Variants in TMEM132C observed in about 807,000 individuals in gnomAD.
TMEM132C encodes the protein transmembrane protein 132C.
Under a neutral mutation model 61.4 loss-of-function variants are expected in TMEM132C, and 29 were observed. The ratio of observed to expected loss-of-function variants is 0.47; its 90% CI spans 0.35 to 0.64. TMEM132C has a LOEUF of 0.64. TMEM132C is among the 30% of genes least tolerant of loss of function. The pLI is 0.00. For missense variants in TMEM132C, 1,408 were observed against 1,476.9 expected (o/e 0.95, Z 0.76); for synonymous variants, 656 against 633.1 (o/e 1.04, Z -0.54).
At position 128,285,254 on chromosome 12, in the gene TMEM132C, TG is replaced by T. The variant is rs143743761; in HGVS notation, c.85+17769del. ...AGATTTTGAATGTTTTCAACAAAAA[TG>T]GTATTTGAGGTGATTGATATGCAAT... On this transcript the variant is annotated intron_variant, in intron 1 of 8. Coordinates refer to ENST00000435159, the MANE Select transcript of TMEM132C (RefSeq NM_001136103.3). 4.3e-3 allele frequency among the ~76,000 whole-genome samples: 655 copies of T among 152,302 alleles called. 4 individuals are homozygous for T. The highest frequency in any genetic ancestry group is 0.015 in the African/African-American group (616 of 41,564).
At chr12:128,564,775 A>C (rs763526091) in intron 3 of TMEM132C, among the ~76,000 whole-genome samples, 5 of 152,168 alleles carry the variant, frequency 3.3e-5, no homozygotes, top group Non-Finnish European at 7.4e-5. Flanking sequence ...TAATTTGACA[A>C]GTGCCACATG....
intron 3 of TMEM132C, among the ~76,000 whole-genome samples, chr12:128,561,992 G>T (rs565584772): frequency 1.3e-5 from 2 of 152,074 alleles, no homozygotes; most frequent in Non-Finnish European, 2.9e-5. Context: ...TGGGGTGTTG[G>T]GGGGAGTGAT....
rs568737613 is a variant in TMEM132C, at chr12:128,697,507, C to G, written c.2121+92C>G. On this transcript the variant is annotated intron_variant, in intron 8 of 8. Transcript: ENST00000435159. ...GGCAGGGTGGAGTGAGAAATGGGGGCAGGTTAGCAGAACCATGTTCCACAA... is the reference window on the plus strand; with the variant it reads ...GGCAGGGTGGAGTGAGAAATGGGGGGAGGTTAGCAGAACCATGTTCCACAA... 2.3e-5 allele frequency: 30 copies of G among 1,289,296 alleles called. No individual in the cohort carries two copies. The African/African-American group carries it at 3.9e-4, about 17-fold the overall frequency. The allele number at this position is 1,289,296 out of a possible 1,614,324, so 79.9% of individuals were successfully genotyped here.
intron 2 of TMEM132C, among the ~76,000 whole-genome samples, chr12:128,526,146 G>A (rs1426331166): frequency 6.6e-6 from 1 of 152,124 alleles, no homozygotes; most frequent in East Asian, 1.9e-4. Context: ...CATGTGCCAG[G>A]AGCTCTTCTA....
chr12:128,294,285 T>C (rs1268789357), intron 1 of TMEM132C: 3 of 152,682 alleles, frequency 2.0e-5, no homozygotes, highest in Admixed American at 6.5e-5. Flanking sequence ...CGTCTCACTT[T>C]TGGGGCTTTT....
intron 1 of TMEM132C, among the ~76,000 whole-genome samples, chr12:128,392,052 GTCTCTCTCTCTTTCTCTCTCTC>G (rs1302422467): frequency 9.6e-5 from 12 of 125,638 alleles, no homozygotes; most frequent in Admixed American, 6.0e-4. Flanking sequence ...CTCTGTCTCT[GTCTCTCTCTCTTTCTCTCTCTC>G]TCTCTCTCTC....
intron 1 of TMEM132C, among the ~76,000 whole-genome samples, chr12:128,297,695 T>C (rs2135915195): frequency 6.6e-6 from 1 of 152,282 alleles, no homozygotes; most frequent in South Asian, 2.1e-4. Flanking sequence ...GTTCTTTTCC[T>C]TTTTCCAGGA....
intron 2 of TMEM132C, among the ~76,000 whole-genome samples, chr12:128,532,063 T>C (rs976620373): frequency 2.0e-5 from 3 of 152,258 alleles, no homozygotes; most frequent in Non-Finnish European, 4.4e-5. Flanking sequence ...GATACAAAGC[T>C]GCATCTATGA....
chr12:128,371,325 C>T (rs1219472793), intron 1 of TMEM132C, among the ~76,000 whole-genome samples: 2 of 152,174 alleles, frequency 1.3e-5, no homozygotes, highest in Non-Finnish European at 2.9e-5. Context: ...TGACTTCCAT[C>T]TTGGCTCCAG....
chr12:128,447,773 G>A (rs1345921737), intron 2 of TMEM132C, among the ~76,000 whole-genome samples: 1 of 79,814 alleles, frequency 1.3e-5, no homozygotes, highest in Non-Finnish European at 2.2e-5. Context: ...AGGCCGGACT[G>A]CGGACTGCAG....
chr12:128,452,123 TCAC>T (rs1466756294), intron 2 of TMEM132C, among the ~76,000 whole-genome samples: 1 of 152,116 alleles, frequency 6.6e-6, no homozygotes, highest in Non-Finnish European at 1.5e-5. Flanking sequence ...AGGGTCTCTC[TCAC>T]TCTGTCACCC....
At chr12:128,621,700 T>C (rs1271285100) in intron 4 of TMEM132C, among the ~76,000 whole-genome samples, 1 of 152,222 alleles carries the variant, frequency 6.6e-6, no homozygotes, top group Non-Finnish European at 1.5e-5. Flanking sequence ...ATGTGTGTCT[T>C]GCGGGCGTGT....
chr12:128,676,853 G>C (rs1003004863), intron 5 of TMEM132C, among the ~76,000 whole-genome samples: 2 of 152,240 alleles, frequency 1.3e-5, no homozygotes, highest in Non-Finnish European at 2.9e-5. Context: ...AGCCAGGCCA[G>C]TGTGCGGTGT....
At chr12:128,509,393 C>T (rs1872498704) in intron 2 of TMEM132C, among the ~76,000 whole-genome samples, 1 of 152,076 alleles carries the variant, frequency 6.6e-6, no homozygotes, top group African/African-American at 2.4e-5. Flanking sequence ...TAGTGCTCAC[C>T]AAATCTACAT....
chr12:128,506,731 G>A (rs1005143867), intron 2 of TMEM132C, among the ~76,000 whole-genome samples: 1 of 152,130 alleles, frequency 6.6e-6, no homozygotes, highest in Non-Finnish European at 1.5e-5. Context: ...CCATGCTCCT[G>A]TCCTCACCAC....
At chr12:128,429,262 A>G (rs746799465) in intron 2 of TMEM132C, among the ~76,000 whole-genome samples, 6 of 152,332 alleles carry the variant, frequency 3.9e-5, no homozygotes, top group Non-Finnish European at 8.8e-5. Flanking sequence ...AGTGCTAGAT[A>G]TCCTACAATG....
intron 5 of TMEM132C, among the ~76,000 whole-genome samples, chr12:128,686,050 TGCATGTGTGTGTGTGCATGCGTGTGTGC>T (rs1169742497): frequency 6.7e-6 from 1 of 148,508 alleles, no homozygotes; most frequent in Admixed American, 6.7e-5. Flanking sequence ...CGCGCGTGTG[TGCATGTGTGTGTGTGCATGCGTGTGTGC>T]GCATGTGTGT....
intron 2 of TMEM132C, among the ~76,000 whole-genome samples, chr12:128,526,994 G>A (rs531791746): frequency 2.0e-5 from 3 of 152,270 alleles, no homozygotes; most frequent in African/African-American, 7.2e-5. Flanking sequence ...CAGGCAGGTG[G>A]GCCTCAAAGT....
chr12:128,613,144 G>C lies in TMEM132C; in HGVS notation c.1122-3008G>C, dbSNP rs142674870. On this transcript the variant is annotated intron_variant, in intron 3 of 8. Transcript: ENST00000435159. ...AAAGGGGGTCTTTGGACATTTGGATGGTTGCCACATCCAATACTAAGGGAA... is the reference window on the plus strand; with the variant it reads ...AAAGGGGGTCTTTGGACATTTGGATCGTTGCCACATCCAATACTAAGGGAA... Among the ~76,000 whole-genome samples the C allele has an allele frequency of 6.3e-3, 960 of 152,290 alleles. 14 individuals are homozygous for C. Among genetic ancestry groups the C allele is most frequent in the African/African-American group, 0.022 (910 of 41,552 alleles).
Sources: gnomAD v4.1 joint callset for allele counts (sites outside exome capture counted in the v4.1 genomes callset) on GRCh38, gnomAD v4.1.1 for gene constraint, MANE v1.5 for transcripts, NCBI Gene and HGNC (gene_info 2026-07-23, HGNC 2026-07-21) for gene names.